The following MPRIP variants were observed in gnomAD, a reference collection of about 807,000 sequenced individuals.
The protein encoded by MPRIP is myosin phosphatase Rho-interacting protein.
A neutral mutation model predicts 234.9 loss-of-function variants in MPRIP; 59 were observed. The ratio of observed to expected loss-of-function variants is 0.25; its 90% CI spans 0.20 to 0.31. MPRIP has a LOEUF of 0.31. Ranked by LOEUF, MPRIP falls within the 10% of genes least tolerant of loss-of-function variation. The pLI is 1.00. For missense variants in MPRIP, 2,436 were observed against 3,071.0 expected, an observed-to-expected ratio of 0.79 and a Z score of 4.89; for synonymous variants, 1,144 against 1,263.9, an observed-to-expected ratio of 0.91 and a Z score of 2.01.
rs764912538 is a variant in MPRIP at position 17,158,572 on chromosome 17, G to A, written c.1970G>A (p.Arg657His). ...SRARERRREG[R>H]SKTFDWAEFR... is the part of the protein sequence containing the mutation. ...GCACGGGAGCGGAGGCGAGAGGGCC[G>A]CTCCAAGACCTTTGACTGGGCTGAG... Residue 657 changes from arginine to histidine, a missense_variant, in exon 14 of 24, where the codon CGC becomes CAC. Physicochemically the swap from Arg to His is conservative, Grantham distance 29. This residue lies in a region of MPRIP where 1,998 missense variants were observed against 2,520.3 expected (regional missense o/e 0.79). Transcript: ENST00000651222. The A allele has an allele frequency of 1.1e-5, 17 of 1,610,012 alleles. No homozygotes were observed. Among genetic ancestry groups the A allele is most frequent in the African/African-American group, 1.3e-5 (1 of 74,892 alleles).
rs1472655626 is a variant in MPRIP at position 17,175,353 on chromosome 17, G to A, written c.6811G>A (p.Gly2271Ser). The A allele has an allele frequency of 3.7e-6, 6 of 1,613,356 alleles. No homozygotes were observed. The highest frequency in any genetic ancestry group is 1.7e-5 in the Admixed American group (1 of 60,004). ...GTTGCGGACGCTGCTGACTGGGGAC[G>A]GCGGTGGGGAGGCCACTGGGTCACC... The part of the protein sequence containing the change: ...TRLRTLLTGD[G>S]GGEATGSPLA... Residue 2271 changes from glycine (G) to serine (S), a missense_variant, in exon 20 of 24, where the codon GGC becomes AGC. Coordinates refer to ENST00000651222, the MANE Select transcript of MPRIP (RefSeq NM_001364716.4).
rs1228340189 is a variant in MPRIP at position 17,049,353 on chromosome 17, TG to T, written c.123+6387del. On this transcript the variant is annotated intron_variant, in intron 1 of 23. Coordinates refer to ENST00000651222, the MANE Select transcript of MPRIP (RefSeq NM_001364716.4). ...TCTTGACTTATGATGGGACTTATGG[TG>T]GGGGTACATCCAGGTAAAACCCATC... is the stretch of plus-strand genomic sequence containing the variant. 2.6e-5 allele frequency among the ~76,000 whole-genome samples: 4 copies of T among 152,176 alleles called. No individual in the cohort carries two copies. The East Asian group carries it at 7.7e-4, about 29-fold the overall frequency.
At chr17:17,170,861 A>G (rs570820232) in intron 16 of MPRIP, 26 of 152,298 alleles carry the variant, frequency 1.7e-4, no homozygotes, top group African/African-American at 5.3e-4. Flanking sequence ...CACAGCTCTG[A>G]TAACCAGGCC....
rs2045682819 is a variant in MPRIP at position 17,154,428 on chromosome 17, A to G, written c.1829+13A>G. 3 of 1,611,966 alleles carry G rather than the reference A, an allele frequency of 1.9e-6. No homozygotes were observed. Among genetic ancestry groups the G allele is most frequent in the Admixed American group, 3.3e-5 (2 of 60,006 alleles). The stretch of plus-strand genomic sequence containing the variant: ...CGGATGTGACCAGGTAGGATGGTGA[A>G]GACACCAGGGAGCCCTTTGTGCCTC... On this transcript the variant is annotated intron_variant, in intron 13 of 23. Coordinates refer to ENST00000651222, the MANE Select transcript of MPRIP (RefSeq NM_001364716.4).
At chr17:17,184,140 C>T (rs1413300202) in intron 23 of MPRIP, among the ~76,000 whole-genome samples, 1 of 152,226 alleles carries the variant, frequency 6.6e-6, no homozygotes, top group Non-Finnish European at 1.5e-5. Context: ...TACTCTGTCC[C>T]CTAGTTAGTA....
chr17:17,067,241 A>G (rs530337509), intron 1 of MPRIP, among the ~76,000 whole-genome samples: 3 of 152,254 alleles, frequency 2.0e-5, no homozygotes, highest in Admixed American at 1.3e-4. Flanking sequence ...TTAAATTGAA[A>G]ACTTTTACCA....
intron 22 of MPRIP, 93 bp downstream of exon 22, chr17:17,177,505 G>A: frequency 7.3e-7 from 1 of 1,368,236 alleles, no homozygotes; most frequent in Non-Finnish European, 1.0e-6. Flanking sequence ...TGAAGCAGAA[G>A]AGTCCCAGTG....
chr17:17,147,470 CT>C (rs1365937527), intron 11 of MPRIP, 83 bp downstream of exon 11: 10 of 1,314,654 alleles, frequency 7.6e-6, no homozygotes, highest in Non-Finnish European at 8.8e-6. Context: ...CTGCTTCCCC[CT>C]GGGCTAATGT....
intron 3 of MPRIP, among the ~76,000 whole-genome samples, chr17:17,122,542 A>G (rs1486987605): frequency 6.6e-6 from 1 of 152,028 alleles, no homozygotes; most frequent in East Asian, 1.9e-4. Context: ...TTTAGTAGAG[A>G]CAGGGTTTCA....
chr17:17,156,585 A>G (rs2045735036), intron 13 of MPRIP, among the ~76,000 whole-genome samples: 1 of 152,340 alleles, frequency 6.6e-6, no homozygotes, highest in Non-Finnish European at 1.5e-5. Flanking sequence ...GGGGTGGGGA[A>G]GTTGCAGGGT....
intron 3 of MPRIP, among the ~76,000 whole-genome samples, chr17:17,090,729 C>T (rs2089695389): frequency 6.6e-6 from 1 of 152,140 alleles, no homozygotes; most frequent in South Asian, 2.1e-4. Flanking sequence ...TGAAAATGGT[C>T]GCATGAGGAG....
At chr17:17,176,777 G>T (rs2046263938) in intron 21 of MPRIP, among the ~76,000 whole-genome samples, 5 of 152,242 alleles carry the variant, frequency 3.3e-5, no homozygotes, top group Admixed American at 3.3e-4. Flanking sequence ...ATGTTCCAGA[G>T]AAAAGGCCTG....
intron 1 of MPRIP, among the ~76,000 whole-genome samples, chr17:17,072,641 G>T (rs1389018694): frequency 6.6e-6 from 1 of 152,172 alleles, no homozygotes; most frequent in East Asian, 1.9e-4. Context: ...GGTAGAGAGG[G>T]CCAGGTTTTG....
intron 3 of MPRIP, among the ~76,000 whole-genome samples, chr17:17,126,399 A>G (rs529377057): frequency 5.9e-5 from 9 of 152,100 alleles, no homozygotes; most frequent in African/African-American, 1.9e-4. Flanking sequence ...TGAGACCAGG[A>G]TCTCAGCTGC....
chr17:17,179,914 C>A, intron 22 of MPRIP, 89 bp from the exon 23 acceptor site: 1 of 1,079,850 alleles, frequency 9.3e-7, no homozygotes, highest in Non-Finnish European at 1.4e-6. Flanking sequence ...CAGTAGGAAG[C>A]TTGGGAAATG....
At position 17,184,689 on chromosome 17, in the gene MPRIP, GCCCACTAACCGCA is replaced by G; in HGVS notation, c.7207-131_7207-119del. The G allele has an allele frequency of 8.5e-6, 5 of 590,658 alleles. 1 individual carries two copies. The highest frequency in any genetic ancestry group is 1.6e-5 in the Non-Finnish European group (5 of 312,308). The allele number at this position is 590,658 out of a possible 1,614,324, so 36.6% of individuals were successfully genotyped here. ...TTCCCGGGGACTCTCCTCCTGGCAT[GCCCACTAACCGCA>G]CCTGCACCCGGCTCTCTGACTGATG... is the stretch of plus-strand genomic sequence containing the variant. On this transcript the variant is annotated intron_variant, in intron 23 of 23. Coordinates refer to ENST00000651222, the MANE Select transcript of MPRIP (RefSeq NM_001364716.4).
At chr17:17,170,126 GAGA>G (rs2046098870) in intron 16 of MPRIP, 2 of 150,730 alleles carry the variant, frequency 1.3e-5, no homozygotes, top group Non-Finnish European at 2.9e-5. Context: ...GAATGATACA[GAGA>G]AGATTAGTAT....
chr17:17,185,401 C>T lies in MPRIP; in HGVS notation c.*507C>T. 2.4e-6 allele frequency: 1 copy of T among 420,974 alleles called. No individual in the cohort carries two copies. Among genetic ancestry groups the T allele is most frequent in the Non-Finnish European group, 4.8e-6 (1 of 208,584 alleles). 26.1% of individuals were successfully genotyped at this position (420,974 alleles called of 1,614,324 possible). A position where few individuals can be genotyped will look rare whatever the true frequency, so the allele number is the denominator to read the frequency against. ...CTGGCTGTTAAGAGGAGAAAGTGCACTGCCTTCCAGCCCAGGAGGAGGACA... is the reference window on the plus strand; with the variant it reads ...CTGGCTGTTAAGAGGAGAAAGTGCATTGCCTTCCAGCCCAGGAGGAGGACA... On this transcript the variant is annotated 3_prime_UTR_variant, in exon 24 of 24. Coordinates refer to ENST00000651222, the MANE Select transcript of MPRIP (RefSeq NM_001364716.4).
intron 3 of MPRIP, among the ~76,000 whole-genome samples, chr17:17,082,032 C>T (rs1178767602): frequency 6.6e-6 from 1 of 152,174 alleles, no homozygotes; most frequent in Non-Finnish European, 1.5e-5. Context: ...CCTCTGTCCT[C>T]TGCCTTTGTT....
Sources: gnomAD v4.1 joint callset for allele counts (sites outside exome capture counted in the v4.1 genomes callset) on GRCh38, gnomAD v4.1.1 for gene constraint, gnomAD v4.1.1 regional missense constraint, MANE v1.5 for transcripts, NCBI Gene and HGNC (gene_info 2026-07-23, HGNC 2026-07-21) for gene names.